The following MIA2 variants were observed in gnomAD, a reference collection of about 807,000 sequenced individuals.
The protein encoded by MIA2 is MIA SH3 domain ER export factor 2.
A neutral mutation model predicts 167.8 loss-of-function variants in MIA2; 127 were observed. The ratio of observed to expected loss-of-function variants is 0.76; its 90% CI spans 0.66 to 0.88. The LOEUF (loss-of-function observed/expected upper bound fraction) is 0.88. MIA2 is among the 40% of genes least tolerant of loss of function. MIA2 has a pLI of 0.00. For missense variants in MIA2, 1,690 were observed against 1,624.7 expected, an observed-to-expected ratio of 1.04 and a Z score of -0.69; for synonymous variants, 552 against 541.9, an observed-to-expected ratio of 1.02 and a Z score of -0.26.
At chr14:39,285,447 G>A (rs1322490330) in intron 9 of MIA2, among the ~76,000 whole-genome samples, 2 of 143,646 alleles carry the variant, frequency 1.4e-5, no homozygotes, top group Non-Finnish European at 3.1e-5. Context: ...CCTTCCTCCC[G>A]GACGGGGCGG....
intron 13 of MIA2, among the ~76,000 whole-genome samples, chr14:39,295,925 C>T (rs2061364851): frequency 6.6e-6 from 1 of 152,260 alleles, no homozygotes; most frequent in South Asian, 2.1e-4. Flanking sequence ...TGTTTTGTTT[C>T]TTGTATACTT....
intron 23 of MIA2, chr14:39,370,726 A>T (rs1253015917): frequency 5.9e-6 from 1 of 169,784 alleles, no homozygotes; most frequent in Non-Finnish European, 1.3e-5. Flanking sequence ...TGGAGCCCAC[A>T]ATGGCCCAGG....
chr14:39,333,069 A>AT (rs574108080), intron 25 of MIA2, among the ~76,000 whole-genome samples: 14 of 151,926 alleles, frequency 9.2e-5, no homozygotes, highest in East Asian at 3.9e-4. Context: ...CATTATAAGC[A>AT]TTTTTTTTAA....
At chr14:39,352,968 T>G (rs1023563173), downstream of MIA2, among the ~76,000 whole-genome samples, 8 of 152,166 alleles carry the variant, frequency 5.3e-5, no homozygotes, top group African/African-American at 1.9e-4. Context: ...TTGAACTTAT[T>G]CCTCCTGCAT....
At chr14:39,318,082 A>C (rs1256267216) in intron 22 of MIA2, 71 bp downstream of exon 22, 4 of 1,132,188 alleles carry the variant, frequency 3.5e-6, no homozygotes, top group Non-Finnish European at 5.1e-6. Flanking sequence ...TACTTTTATA[A>C]GGTTAAGCAA....
chr14:39,245,404 A>G (rs527830608), intron 3 of MIA2, among the ~76,000 whole-genome samples: 2 of 152,228 alleles, frequency 1.3e-5, no homozygotes, highest in South Asian at 4.1e-4. Context: ...CAAAAAAAAA[A>G]TCCCATAGTA....
At chr14:39,347,879 T>C in intron 27 of MIA2, 108 bp downstream of exon 27, 1 of 1,062,954 alleles carries the variant, frequency 9.4e-7, no homozygotes, top group Non-Finnish European at 1.3e-6. Context: ...TGGAGTGCAG[T>C]GGCGCTATCT....
At chr14:39,276,588 G>A (rs1252964484) in intron 6 of MIA2, 1 of 174,896 alleles carries the variant, frequency 5.7e-6, no homozygotes, top group Non-Finnish European at 1.2e-5. Flanking sequence ...TTGGGGAACT[G>A]ATTATACTTT....
At chr14:39,310,557 C>T (rs570982587) in intron 18 of MIA2, among the ~76,000 whole-genome samples, 1 of 151,562 alleles carries the variant, frequency 6.6e-6, no homozygotes, top group Non-Finnish European at 1.5e-5. Context: ...ATTGTTGTGA[C>T]CAGAGGCTGT....
At chr14:39,333,343 G>A (rs1168948439) in intron 25 of MIA2, among the ~76,000 whole-genome samples, 1 of 152,120 alleles carries the variant, frequency 6.6e-6, no homozygotes, top group African/African-American at 2.4e-5. Flanking sequence ...TCCCTTCTGT[G>A]GTGGGGAACA....
chr14:39,258,536 T>G (rs1336236499), intron 6 of MIA2, among the ~76,000 whole-genome samples: 3 of 152,182 alleles, frequency 2.0e-5, no homozygotes, highest in African/African-American at 7.2e-5. Flanking sequence ...AACATGCTCC[T>G]TTAGCTCAGA....
At chr14:39,313,986 G>A (rs765175095) in intron 19 of MIA2, among the ~76,000 whole-genome samples, 1 of 152,080 alleles carries the variant, frequency 6.6e-6, no homozygotes, top group Admixed American at 6.6e-5. Flanking sequence ...CTCAGAAAGA[G>A]CAAGCTTGCT....
intron 9 of MIA2, among the ~76,000 whole-genome samples, chr14:39,284,084 T>C (rs1459748091): frequency 6.6e-6 from 1 of 152,190 alleles, no homozygotes; most frequent in Non-Finnish European, 1.5e-5. Flanking sequence ...ACTTTTTGCT[T>C]TTGTAGCCTA....
intron 4 of MIA2, among the ~76,000 whole-genome samples, chr14:39,252,264 A>C (rs1402885810): frequency 6.6e-6 from 1 of 152,078 alleles, no homozygotes; most frequent in Non-Finnish European, 1.5e-5. Context: ...TGAAATGGAG[A>C]GATTATCCTT....
downstream of MIA2, among the ~76,000 whole-genome samples, chr14:39,355,442 G>A (rs1441587342): frequency 6.6e-6 from 1 of 152,146 alleles, no homozygotes. Flanking sequence ...TCAGCTTAAG[G>A]AGATTTTGGG....
rs1347501385 is a variant in MIA2, at chr14:39,302,197, T to C, written c.2688T>C (p.Asp896=). 4 of 1,613,998 alleles carry C rather than the reference T, an allele frequency of 2.5e-6. No homozygotes were observed. The highest frequency in any genetic ancestry group is 2.2e-5 in the East Asian group (1 of 44,854). Reference sequence around the variant, plus strand: ...TGCTTGGAGAAGACATAACGGATGATGATAACTTGGAATTAGAAATGAACA... The same window carrying C: ...TGCTTGGAGAAGACATAACGGATGACGATAACTTGGAATTAGAAATGAACA... ...AAMLGEDITD[D]DNLELEMNSE... Residue 896 remains aspartate (D), a synonymous_variant, in exon 15 of 29, where the codon GAT becomes GAC. Transcript: ENST00000640607.
intron 3 of MIA2, among the ~76,000 whole-genome samples, chr14:39,243,904 C>T (rs137947575): frequency 6.6e-6 from 1 of 152,148 alleles, no homozygotes; most frequent in Non-Finnish European, 1.5e-5. Context: ...CCCGAAGATA[C>T]AGAGGAAACT....
At position 39,240,615 on chromosome 14, in the gene MIA2, T is replaced by A; in HGVS notation, c.304T>A (p.Phe102Ile). ...PRDAVQIEEVFISEEIQMSTK... is the reference protein window; with the variant it reads ...PRDAVQIEEVIISEEIQMSTK... The stretch of plus-strand genomic sequence containing the variant: ...AGATGCAGTCCAGATTGAAGAGGTG[T>A]TCATATCTGAGGAAATTCAGATGTC... The change falls in exon 3 of 29, where the codon TTC (phenylalanine) becomes ATC (isoleucine). Residue 102 changes from phenylalanine (F) to isoleucine (I), a missense_variant. Coordinates refer to ENST00000640607, the MANE Select transcript of MIA2 (RefSeq NM_001329214.4). 6.2e-7 allele frequency: 1 copy of A among 1,613,046 alleles called. No individual in the cohort carries two copies. The highest frequency in any genetic ancestry group is 8.5e-7 in the Non-Finnish European group (1 of 1,179,264).
At chr14:39,275,737 G>A (rs973865232) in intron 6 of MIA2, among the ~76,000 whole-genome samples, 1 of 151,978 alleles carries the variant, frequency 6.6e-6, no homozygotes, top group Non-Finnish European at 1.5e-5. Context: ...TCCCCCAATA[G>A]CAAAAATAAT....
Sources: gnomAD v4.1 joint callset for allele counts (sites outside exome capture counted in the v4.1 genomes callset) on GRCh38, gnomAD v4.1.1 for gene constraint, MANE v1.5 for transcripts, NCBI Gene and HGNC (gene_info 2026-07-23, HGNC 2026-07-21) for gene names.